SANBR: variants seen among roughly 807,000 people sequenced by gnomAD.
The protein encoded by SANBR is SANT and BTB domain regulator of CSR, also known as SANT and BTB domain regulator of class switch recombination.
SANBR carries 77 observed loss-of-function variants against 101.8 expected under a neutral mutation model. That is an observed-to-expected ratio of 0.76 (90% CI 0.63 to 0.91). The LOEUF is 0.91. Among genes scored for constraint, SANBR ranks in the 40% least tolerant of loss-of-function variants. The pLI is 0.00. For missense variants in SANBR, 875 were observed against 853.0 expected (o/e 1.03, Z -0.32); for synonymous variants, 279 against 274.7 (o/e 1.02, Z -0.15).
intron 20 of SANBR, among the ~76,000 whole-genome samples, chr2:61,129,511 CAA>C (rs1406428701): frequency 6.6e-6 from 1 of 151,156 alleles, no homozygotes; most frequent in Non-Finnish European, 1.5e-5. Context: ...AATACACACA[CAA>C]AGCATTAGTA....
At chr2:61,132,424 C>G (rs1407784577) in intron 20 of SANBR, among the ~76,000 whole-genome samples, 1 of 152,174 alleles carries the variant, frequency 6.6e-6, no homozygotes, top group Non-Finnish European at 1.5e-5. Flanking sequence ...AGTTGCTCAA[C>G]ATCATTGGCC....
intron 3 of SANBR, among the ~76,000 whole-genome samples, chr2:61,070,924 G>A (rs932268930): frequency 6.6e-6 from 1 of 151,254 alleles, no homozygotes. Context: ...GTCTCACTAC[G>A]TTGCCCAGGC....
intron 14 of SANBR, among the ~76,000 whole-genome samples, chr2:61,107,920 TATTA>T (rs1350758765): frequency 6.6e-6 from 1 of 152,120 alleles, no homozygotes; most frequent in Non-Finnish European, 1.5e-5. Context: ...AACATTTATT[TATTA>T]ATTATATGTC....
At chr2:61,074,223 A>G (rs981094480) in intron 5 of SANBR, among the ~76,000 whole-genome samples, 3 of 152,220 alleles carry the variant, frequency 2.0e-5, no homozygotes, top group African/African-American at 7.2e-5. Flanking sequence ...TCATAAAATG[A>G]ACCCTTTGAA....
chr2:61,068,482 G>A (rs549096329), intron 1 of SANBR, among the ~76,000 whole-genome samples: 1 of 152,330 alleles, frequency 6.6e-6, no homozygotes, highest in East Asian at 1.9e-4. Context: ...GCCAGACAGT[G>A]TGCGGGTGCT....
chr2:61,111,075 TAAAC>T (rs1015656796), intron 16 of SANBR, among the ~76,000 whole-genome samples: 4 of 152,068 alleles, frequency 2.6e-5, no homozygotes, highest in East Asian at 1.9e-4. Context: ...GTAGGCATGT[TAAAC>T]AACCCTCCAA....
intron 12 of SANBR, among the ~76,000 whole-genome samples, chr2:61,098,508 A>T (rs1424039129): frequency 6.6e-6 from 1 of 152,146 alleles, no homozygotes; most frequent in African/African-American, 2.4e-5. Context: ...GTGCCATTTT[A>T]TTTAACTGCT....
chr2:61,120,938 T>G (rs1024799417), intron 20 of SANBR, among the ~76,000 whole-genome samples: 1 of 152,184 alleles, frequency 6.6e-6, no homozygotes, highest in Non-Finnish European at 1.5e-5. Flanking sequence ...GGGAATTTTC[T>G]TGGGGGTGAT....
chr2:61,096,889 C>G (rs1453042161), intron 11 of SANBR, among the ~76,000 whole-genome samples: 1 of 152,174 alleles, frequency 6.6e-6, no homozygotes, highest in East Asian at 1.9e-4. Flanking sequence ...CATGGTGGCT[C>G]ACGCCTGTAA....
chr2:61,106,795 A>G lies in SANBR; in HGVS notation c.1611+133A>G, dbSNP rs1573645446. ...TCATAAGAAGGTATTATGCCTAGTA[A>G]TAGGACTCTAAGGGCAATAGGACAC... On this transcript the variant is annotated intron_variant, in intron 14 of 21. Transcript: ENST00000402291. The G allele has an allele frequency of 8.1e-5, 44 of 545,920 alleles. 1 individual carries two copies. In the South Asian group the frequency reaches 1.2e-3, roughly 15 times the overall value. 33.8% of individuals were successfully genotyped at this position (545,920 alleles called of 1,614,324 possible).
At chr2:61,086,399 G>A (rs1389525326) in intron 8 of SANBR, among the ~76,000 whole-genome samples, 1 of 151,706 alleles carries the variant, frequency 6.6e-6, no homozygotes, top group Admixed American at 6.6e-5. Context: ...TAAATTGTTG[G>A]TGCTATTGTA....
At chr2:61,090,141 C>T (rs538736031) in intron 10 of SANBR, among the ~76,000 whole-genome samples, 2 of 152,066 alleles carry the variant, frequency 1.3e-5, no homozygotes, top group South Asian at 2.1e-4. Context: ...CAGAGCAAAA[C>T]AAAGTTATGA....
chr2:61,127,756 A>G (rs1171371649), downstream of SANBR, among the ~76,000 whole-genome samples: 3 of 152,186 alleles, frequency 2.0e-5, no homozygotes, highest in East Asian at 1.9e-4. Flanking sequence ...GCTCGCTAAC[A>G]TACATCTAAT....
chr2:61,110,715 G>A (rs975586024), intron 16 of SANBR, among the ~76,000 whole-genome samples: 12 of 151,558 alleles, frequency 7.9e-5, no homozygotes, highest in African/African-American at 2.9e-4. Context: ...GGGCATGGTG[G>A]CAGGTGCGTG....
At chr2:61,099,528 G>T (rs144378701) in intron 12 of SANBR, among the ~76,000 whole-genome samples, 1 of 152,296 alleles carries the variant, frequency 6.6e-6, no homozygotes, top group African/African-American at 2.4e-5. Flanking sequence ...AGGGAGACTC[G>T]TGAGTTCTGT....
intron 17 of SANBR, 151 bp from the exon 18 acceptor site, chr2:61,117,206 G>A (rs189307125): frequency 8.6e-6 from 6 of 699,034 alleles, no homozygotes; most frequent in South Asian, 5.2e-5. Context: ...GTCTCATTTG[G>A]TTGGTGCAAG....
At chr2:61,116,795 G>A (rs1424887242) in intron 17 of SANBR, among the ~76,000 whole-genome samples, 2 of 152,136 alleles carry the variant, frequency 1.3e-5, no homozygotes, top group African/African-American at 2.4e-5. Flanking sequence ...ACTCATGCCT[G>A]TAATCCTAGC....
At chr2:61,112,809 G>A (rs758224808) in intron 16 of SANBR, among the ~76,000 whole-genome samples, 2 of 152,102 alleles carry the variant, frequency 1.3e-5, no homozygotes, top group Admixed American at 6.6e-5. Flanking sequence ...TCTTAATGAT[G>A]TATTTTGAAG....
intron 11 of SANBR, 69 bp from the exon 12 acceptor site, chr2:61,097,631 C>G (rs967243554): frequency 5.9e-5 from 71 of 1,207,498 alleles, no homozygotes; most frequent in Non-Finnish European, 7.9e-5. Context: ...AATATTTGGT[C>G]TTAAGTATTT....
Sources: gnomAD v4.1 joint callset for allele counts (sites outside exome capture counted in the v4.1 genomes callset) on GRCh38, gnomAD v4.1.1 for gene constraint, MANE v1.5 for transcripts, NCBI Gene and HGNC (gene_info 2026-07-23, HGNC 2026-07-21) for gene names.